Variants in GLMN observed in about 807,000 individuals in gnomAD.
The protein encoded by GLMN is glomulin.
A neutral mutation model predicts 87.8 loss-of-function variants in GLMN; 75 were observed. The ratio of observed to expected loss-of-function variants is 0.85; its 90% CI spans 0.71 to 1.04. The LOEUF is 1.04. Ranked by LOEUF, GLMN falls within the 50% of genes least tolerant of loss-of-function variation. GLMN has a pLI of 0.00. For missense variants in GLMN, 588 were observed against 658.8 expected (o/e 0.89, Z 1.18); for synonymous variants, 206 against 221.6 (o/e 0.93, Z 0.63).
At position 92,291,417 on chromosome 1, in the gene GLMN, C is replaced by A. The variant is rs768355711; in HGVS notation, c.285+1G>T. 1 of 1,564,244 alleles carries A rather than the reference C, an allele frequency of 6.4e-7. No homozygotes were observed. Among genetic ancestry groups the A allele is most frequent in the East Asian group, 2.2e-5 (1 of 44,600 alleles). ...AAGAGAACCTTGTTTTGTTAACTTA[C>A]CTTTACCAATAAATCAAAGATCAAA... On this transcript the variant is annotated splice_donor_variant, in intron 4 of 18. Coordinates refer to ENST00000370360, the MANE Select transcript of GLMN (RefSeq NM_053274.3). LOFTEE classifies it high-confidence loss of function.
intron 16 of GLMN, among the ~76,000 whole-genome samples, chr1:92,258,904 A>C (rs1471162351): frequency 6.6e-6 from 1 of 152,186 alleles, no homozygotes; most frequent in Non-Finnish European, 1.5e-5. Context: ...TATTGAAAAA[A>C]AACCAAAACT....
chr1:92,265,979 T>C (rs1655591322), intron 13 of GLMN, among the ~76,000 whole-genome samples: 2 of 152,310 alleles, frequency 1.3e-5, no homozygotes, highest in South Asian at 4.1e-4. Flanking sequence ...AGAGAGTTGC[T>C]AGAATCTTAT....
At chr1:92,284,118 T>A (rs981915631) in intron 7 of GLMN, among the ~76,000 whole-genome samples, 2 of 152,176 alleles carry the variant, frequency 1.3e-5, no homozygotes, top group Admixed American at 6.5e-5. Context: ...TGGAAAAAAC[T>A]ATTTTAAAGT....
At chr1:92,264,883 C>T (rs896276170) in intron 13 of GLMN, among the ~76,000 whole-genome samples, 1 of 152,172 alleles carries the variant, frequency 6.6e-6, no homozygotes, top group Admixed American at 6.5e-5. Context: ...GCCCTGTCGC[C>T]CAGGCTGGAG....
chr1:92,366,498 G>A, the GLMN span, among the ~76,000 whole-genome samples: 1 of 152,178 alleles, frequency 6.6e-6, no homozygotes, highest in Admixed American at 6.5e-5. Context: ...CAGGGTGACA[G>A]GTTCGTTCTC....
upstream of GLMN, among the ~76,000 whole-genome samples, chr1:92,302,507 T>A (rs1650920912): frequency 1.3e-5 from 2 of 151,680 alleles, no homozygotes; most frequent in Non-Finnish European, 2.9e-5. Flanking sequence ...CAATGTAATT[T>A]CATCAATTTT....
chr1:92,256,236 G>A (rs1654222056), intron 16 of GLMN, among the ~76,000 whole-genome samples: 1 of 151,736 alleles, frequency 6.6e-6, no homozygotes, highest in Non-Finnish European at 1.5e-5. Flanking sequence ...CCAATAATAA[G>A]TTCTGAAATT....
chr1:92,288,220 T>C (rs532045367), intron 6 of GLMN, among the ~76,000 whole-genome samples: 284 of 152,220 alleles, frequency 1.9e-3, no homozygotes, highest in African/African-American at 6.4e-3. Flanking sequence ...TGTGGTCCAG[T>C]TGGATGTTCT....
chr1:92,317,895 G>T, the GLMN span, among the ~76,000 whole-genome samples: 4 of 152,092 alleles, frequency 2.6e-5, no homozygotes, highest in Non-Finnish European at 5.9e-5. Flanking sequence ...ATTACCATTT[G>T]ATTGAGCTAC....
the GLMN span, among the ~76,000 whole-genome samples, chr1:92,325,788 AT>A: frequency 2.0e-5 from 3 of 151,444 alleles, no homozygotes; most frequent in Admixed American, 6.6e-5. Context: ...TAGTTCTGTC[AT>A]TTTTTTTCCA....
At chr1:92,253,529 C>G (rs1298544641) in intron 16 of GLMN, among the ~76,000 whole-genome samples, 1 of 152,184 alleles carries the variant, frequency 6.6e-6, no homozygotes, top group Non-Finnish European at 1.5e-5. Context: ...CTCCGGCTGG[C>G]ATCTGGCGGG....
chr1:92,351,748 C>G, the GLMN span, among the ~76,000 whole-genome samples: 4 of 152,174 alleles, frequency 2.6e-5, no homozygotes, highest in Admixed American at 6.5e-5. Context: ...CGAGAAGCAG[C>G]TTGACTGGCC....
Position 92,274,267 on chromosome 1 carries a change from T to C in GLMN, c.736-2615A>G, listed in dbSNP as rs80197705. Among the ~76,000 whole-genome samples the C allele has an allele frequency of 9.6e-3, 1,458 of 152,304 alleles. 23 individuals are homozygous for C. Among genetic ancestry groups the C allele is most frequent in the African/African-American group, 0.034 (1,395 of 41,552 alleles). ...TCTGCCTCACTGCTTTAACTAAACC[T>C]GTCTGATTTCTGGTGGGAGATGCTC... On this transcript the variant is annotated intron_variant, in intron 7 of 18. Transcript: ENST00000370360.
intron 3 of GLMN, among the ~76,000 whole-genome samples, chr1:92,296,347 C>T (rs1207715440): frequency 6.6e-6 from 1 of 152,182 alleles, no homozygotes; most frequent in African/African-American, 2.4e-5. Flanking sequence ...GTTTAATTGA[C>T]ATGCAGTTCC....
At chr1:92,292,185 T>C (rs1649480651) in intron 3 of GLMN, among the ~76,000 whole-genome samples, 1 of 152,164 alleles carries the variant, frequency 6.6e-6, no homozygotes, top group Non-Finnish European at 1.5e-5. Flanking sequence ...TACACTATAA[T>C]ATTCTAGAGG....
At chr1:92,318,209 A>G in the GLMN span, among the ~76,000 whole-genome samples, 1 of 152,136 alleles carries the variant, frequency 6.6e-6, no homozygotes, top group East Asian at 1.9e-4. Flanking sequence ...CTTTTTTTCT[A>G]TTTAGCTTGC....
the GLMN span, among the ~76,000 whole-genome samples, chr1:92,339,170 G>A: frequency 9.9e-5 from 15 of 152,012 alleles, no homozygotes; most frequent in African/African-American, 3.6e-4. Flanking sequence ...AAACTATTCT[G>A]AGGTTCTCAA....
chr1:92,360,346 A>G, the GLMN span, among the ~76,000 whole-genome samples: 3 of 152,168 alleles, frequency 2.0e-5, no homozygotes, highest in Non-Finnish European at 2.9e-5. Flanking sequence ...AGGAGTGGAG[A>G]CCAGATTGCA....
At chr1:92,361,580 T>G in the GLMN span, among the ~76,000 whole-genome samples, 1 of 152,158 alleles carries the variant, frequency 6.6e-6, no homozygotes, top group African/African-American at 2.4e-5. Flanking sequence ...ATGATTCATA[T>G]TTTCCCATGT....
Sources: allele counts gnomAD v4.1 joint callset (sites outside exome capture counted in the v4.1 genomes callset), GRCh38; gene constraint gnomAD v4.1.1; transcripts MANE v1.5; gene names NCBI Gene and HGNC (gene_info 2026-07-23, HGNC 2026-07-21).